DUS2: variants seen among roughly 807,000 people sequenced by gnomAD.
DUS2 encodes the protein tRNA-dihydrouridine(20) synthase [NAD(P)+]-like.
A neutral mutation model predicts 71.3 loss-of-function variants in DUS2; 52 were observed. That is an observed-to-expected ratio of 0.73 (90% CI 0.58 to 0.92). The LOEUF (loss-of-function observed/expected upper bound fraction) is 0.92. Among genes scored for constraint, DUS2 ranks in the 40% least tolerant of loss-of-function variants. The pLI is 0.00. For missense variants in DUS2, 558 were observed against 622.6 expected (o/e 0.90, Z 1.10); for synonymous variants, 204 against 227.8 (o/e 0.90, Z 0.94).
intron 4 of DUS2, among the ~76,000 whole-genome samples, chr16:68,050,231 A>C (rs1338478402): frequency 6.6e-6 from 1 of 151,820 alleles, no homozygotes. Context: ...TCTGCCTCCC[A>C]GGTTCAAGCA....
chr16:68,024,496 C>G (rs564825411), intron 1 of DUS2, among the ~76,000 whole-genome samples: 2 of 152,268 alleles, frequency 1.3e-5, no homozygotes, highest in East Asian at 3.9e-4. Context: ...TGGATTAACT[C>G]TCTGGGAGGT....
chr16:68,056,350 T>C lies in DUS2; in HGVS notation c.309-14T>C. The C allele has an allele frequency of 6.2e-7, 1 of 1,611,642 alleles. No homozygotes were observed. Among genetic ancestry groups the C allele is most frequent in the Non-Finnish European group, 8.5e-7 (1 of 1,178,118 alleles). On this transcript the variant is annotated splice_polypyrimidine_tract_variant and intron_variant, in intron 6 of 16. Transcript: ENST00000565263. Reference sequence around the variant, plus strand: ...TTCAATACTTATTACCTTTACTCCTTCATCCTTTTCCAGAGAAAATGATGT... The same window carrying C: ...TTCAATACTTATTACCTTTACTCCTCCATCCTTTTCCAGAGAAAATGATGT...
At chr16:68,028,002 G>A (rs1460993769) in intron 2 of DUS2, among the ~76,000 whole-genome samples, 3 of 152,146 alleles carry the variant, frequency 2.0e-5, no homozygotes, top group South Asian at 4.1e-4. Context: ...ATGGAAGGTG[G>A]AGACCAGACC....
chr16:68,068,018 A>G (rs2151424376), intron 10 of DUS2, among the ~76,000 whole-genome samples: 2 of 152,292 alleles, frequency 1.3e-5, no homozygotes, highest in Middle Eastern at 6.8e-3. Context: ...AGCTGTCACA[A>G]TGACTAAACA....
At chr16:68,074,421 G>T (rs998053097) in intron 13 of DUS2, among the ~76,000 whole-genome samples, 1 of 152,194 alleles carries the variant, frequency 6.6e-6, no homozygotes, top group Admixed American at 6.5e-5. Flanking sequence ...TTCCATAAAT[G>T]GGATAGTCAC....
At chr16:68,030,950 C>T (rs2033428434) in intron 2 of DUS2, among the ~76,000 whole-genome samples, 1 of 152,050 alleles carries the variant, frequency 6.6e-6, no homozygotes, top group African/African-American at 2.4e-5. Context: ...TGCTATGTTG[C>T]CCAGGCTGGT....
At chr16:68,040,853 C>G (rs1190353604) in intron 3 of DUS2, among the ~76,000 whole-genome samples, 1 of 152,032 alleles carries the variant, frequency 6.6e-6, no homozygotes, top group Non-Finnish European at 1.5e-5. Context: ...GTGAGGTGGC[C>G]CATCTGTGGG....
intron 7 of DUS2, among the ~76,000 whole-genome samples, chr16:68,057,263 AAGAG>A (rs58932460): frequency 5.8e-4 from 83 of 144,238 alleles, no homozygotes; most frequent in Non-Finnish European, 8.5e-4. Flanking sequence ...GAGAGAGAGA[AAGAG>A]AGAGAGAGAG....
intron 8 of DUS2, among the ~76,000 whole-genome samples, chr16:68,065,876 G>A (rs1188698941): frequency 6.6e-6 from 1 of 151,650 alleles, no homozygotes; most frequent in African/African-American, 2.4e-5. Flanking sequence ...GGGCTGGAGT[G>A]TGTTGGGCAG....
chr16:68,025,746 C>T (rs1282830530), intron 2 of DUS2, among the ~76,000 whole-genome samples: 3 of 152,030 alleles, frequency 2.0e-5, no homozygotes. Flanking sequence ...TAAATGTTTT[C>T]TGAGATATTT....
rs754101288 is a variant in DUS2, at chr16:68,078,460, G to A, written c.1186G>A (p.Asp396Asn). ...TTTGTATCAGGTTCAACGCCCTCTA[G>A]ATCGCCTGTTCTCCTCTATTGTCAC... ...PVYETVQRPL[D>N]RLFSSIVTVA... Residue 396 changes from aspartate to asparagine, a missense_variant, in exon 16 of 17, where the codon GAT (aspartate) becomes AAT (asparagine). By Grantham distance (23) the Asp-to-Asn change is conservative. Transcript: ENST00000565263. 2 of 1,614,152 alleles carry A rather than the reference G, an allele frequency of 1.2e-6. No homozygotes were observed. Among genetic ancestry groups the A allele is most frequent in the Non-Finnish European group, 1.7e-6 (2 of 1,180,026 alleles).
At chr16:68,051,900 T>C (rs2033783893) in intron 4 of DUS2, among the ~76,000 whole-genome samples, 1 of 152,144 alleles carries the variant, frequency 6.6e-6, no homozygotes, top group African/African-American at 2.4e-5. Flanking sequence ...TTTTATTTTA[T>C]TTATTTTATA....
At chr16:68,063,971 C>A (rs1161546756) in intron 8 of DUS2, among the ~76,000 whole-genome samples, 1 of 152,168 alleles carries the variant, frequency 6.6e-6, no homozygotes, top group African/African-American at 2.4e-5. Context: ...GATCTGGCCT[C>A]CAAAAGTGCT....
chr16:68,024,691 C>T (rs1457359350), intron 1 of DUS2, among the ~76,000 whole-genome samples: 2 of 151,980 alleles, frequency 1.3e-5, no homozygotes, highest in East Asian at 3.9e-4. Flanking sequence ...CTTTTTTTCT[C>T]CACAAGAAAA....
At chr16:68,062,980 C>T (rs2033960726) in intron 8 of DUS2, among the ~76,000 whole-genome samples, 1 of 152,082 alleles carries the variant, frequency 6.6e-6, no homozygotes, top group Non-Finnish European at 1.5e-5. Context: ...GGAGAGGGGG[C>T]CCCAGCAGGG....
chr16:68,037,920 C>G, intron 2 of DUS2, 86 bp from the exon 3 acceptor site: 1 of 1,363,512 alleles, frequency 7.3e-7, no homozygotes, highest in Non-Finnish European at 1.0e-6. Context: ...TGTGCTGGAA[C>G]CTTGAAGAAG....
At chr16:68,059,264 G>T (rs934529356) in intron 7 of DUS2, among the ~76,000 whole-genome samples, 2 of 152,012 alleles carry the variant, frequency 1.3e-5, no homozygotes, top group African/African-American at 2.4e-5. Flanking sequence ...CATTCCTTAG[G>T]CAGGGAGACT....
chr16:68,052,535 A>C (rs1231793172), intron 4 of DUS2, among the ~76,000 whole-genome samples: 1 of 152,220 alleles, frequency 6.6e-6, no homozygotes, highest in Non-Finnish European at 1.5e-5. Context: ...CCTTCCACTC[A>C]TAGCACCTGT....
rs2034080988 is a variant in DUS2 at position 68,071,117 on chromosome 16, CTG to C, written c.810+11_810+12del. ...AGAAATACATCAGATACGTACGTCT[CTG>C]TACTTTTTCAAAACAAGCATTTCTC... On this transcript the variant is annotated intron_variant, in intron 12 of 16. Coordinates refer to ENST00000565263, the MANE Select transcript of DUS2 (RefSeq NM_017803.5). 3 of 1,613,092 alleles carry C rather than the reference CTG, an allele frequency of 1.9e-6. 1 individual carries two copies. Among genetic ancestry groups the C allele is most frequent in the Non-Finnish European group, 2.5e-6 (3 of 1,179,176 alleles).
Sources: allele counts gnomAD v4.1 joint callset (sites outside exome capture counted in the v4.1 genomes callset), GRCh38; gene constraint gnomAD v4.1.1; transcripts MANE v1.5; gene names NCBI Gene and HGNC (gene_info 2026-07-23, HGNC 2026-07-21).